Variants in ART1 observed in about 807,000 individuals in gnomAD.
ART1 encodes the protein ADP-ribosyltransferase 1.
ART1 carries 29 observed loss-of-function variants against 27.0 expected under a neutral mutation model. The ratio of observed to expected loss-of-function variants is 1.08; its 90% CI spans 0.80 to 1.47. The LOEUF (loss-of-function observed/expected upper bound fraction) is 1.47. ART1 is among the 40% of genes most tolerant of loss of function. The pLI is 0.00. For synonymous variants in ART1, 201 were observed against 172.2 expected (o/e 1.17, Z -1.31); for missense variants, 480 against 423.0 (o/e 1.13, Z -1.18).
rs1025095458 is a variant in ART1, at chr11:3,654,929, C to T, written c.-52-4233C>T. ...ATTGTAGAGCAGATGCAGACAGAAA[C>T]AGAGCTGTGGAGACACAATGAGAGA... On this transcript the variant is annotated intron_variant, in intron 1 of 4. Coordinates refer to ENST00000250693, the MANE Select transcript of ART1 (RefSeq NM_004314.3). Among the ~76,000 whole-genome samples, 16 of 152,218 alleles carry T rather than the reference C, an allele frequency of 1.1e-4. No individual in the cohort carries two copies. In the South Asian group the frequency reaches 1.9e-3, roughly 18 times the overall value.
rs371263931 is a variant in ART1 at position 3,660,066 on chromosome 11, G to A, written c.547G>A (p.Gly183Ser). 15 of 1,613,450 alleles carry A rather than the reference G, an allele frequency of 9.3e-6. No homozygotes were observed. In the Admixed American group the frequency reaches 1.7e-4, roughly 18 times the overall value. ...RCHQVFRGVH[G>S]LRFRPAGPRA... ...CCACCAGGTGTTCCGAGGTGTGCAC[G>A]GCCTGCGCTTCCGGCCAGCAGGGCC... is the stretch of plus-strand genomic sequence containing the variant. Residue 183 changes from glycine (G) to serine (S), a missense_variant, in exon 3 of 5, where the codon GGC becomes AGC. Gly to Ser is a moderately conservative substitution (Grantham distance 56). Transcript: ENST00000250693.
At chr11:3,650,756 C>T (rs1447554505) in intron 1 of ART1, among the ~76,000 whole-genome samples, 2 of 151,608 alleles carry the variant, frequency 1.3e-5, no homozygotes, top group South Asian at 2.1e-4. Context: ...GCTACAGCCA[C>T]ACCTCATTGC....
intron 1 of ART1, among the ~76,000 whole-genome samples, chr11:3,657,468 G>A (rs999890584): frequency 5.3e-5 from 8 of 152,110 alleles, no homozygotes; most frequent in South Asian, 4.1e-4. Flanking sequence ...CCAGCTACTC[G>A]GGAGGCTGAG....
intron 1 of ART1, among the ~76,000 whole-genome samples, chr11:3,645,617 T>G (rs767111833): frequency 2.0e-5 from 3 of 152,200 alleles, no homozygotes; most frequent in Non-Finnish European, 2.9e-5. Context: ...TTAGCTGCGC[T>G]GAGAAAGTTC....
Position 3,659,237 on chromosome 11 carries a change from T to C in ART1, c.24T>C (p.Ser8=). The C allele has an allele frequency of 6.2e-7, 1 of 1,614,226 alleles. No homozygotes were observed. The highest frequency in any genetic ancestry group is 8.5e-7 in the Non-Finnish European group (1 of 1,180,040). The change falls in exon 2 of 5, where the codon TCT becomes TCC. Residue 8 remains serine (S), a synonymous_variant. Transcript: ENST00000250693. MQMPAMM[S]LLLVSVGLME... ...GCATGCAGATGCCTGCTATGATGTC[T>C]CTGCTTCTTGTGTCTGTGGGCCTCA... is the stretch of plus-strand genomic sequence containing the variant.
intron 1 of ART1, among the ~76,000 whole-genome samples, chr11:3,653,642 G>A (rs959795982): frequency 6.6e-6 from 1 of 152,114 alleles, no homozygotes; most frequent in Non-Finnish European, 1.5e-5. Context: ...CATGAAAAGA[G>A]GAGCTTCGTA....
intron 1 of ART1, among the ~76,000 whole-genome samples, chr11:3,656,972 C>A (rs868734599): frequency 2.0e-5 from 3 of 152,182 alleles, no homozygotes; most frequent in Non-Finnish European, 4.4e-5. Flanking sequence ...GAAGCTCATA[C>A]TTCACATTTA....
chr11:3,653,405 G>A (rs2080045427), intron 1 of ART1, among the ~76,000 whole-genome samples: 1 of 147,952 alleles, frequency 6.8e-6, no homozygotes, highest in South Asian at 2.2e-4. Context: ...GGCTCATCCT[G>A]GCTCAAAAGC....
intron 3 of ART1, among the ~76,000 whole-genome samples, chr11:3,661,026 A>G (rs1021277126): frequency 1.3e-5 from 2 of 152,200 alleles, no homozygotes; most frequent in Admixed American, 6.5e-5. Flanking sequence ...AGGAGCATGC[A>G]TGAGTTGACA....
At chr11:3,662,952 A>G (rs2077630392) in intron 4 of ART1, among the ~76,000 whole-genome samples, 1 of 152,184 alleles carries the variant, frequency 6.6e-6, no homozygotes. Flanking sequence ...CTGGCTCAAG[A>G]GCCAAACTCT....
At chr11:3,662,795 G>A (rs1297501682) in intron 4 of ART1, among the ~76,000 whole-genome samples, 4 of 152,236 alleles carry the variant, frequency 2.6e-5, no homozygotes, top group African/African-American at 9.6e-5. Context: ...TGTGAGCCAT[G>A]ATTGTGCCAT....
chr11:3,654,864 C>A (rs113778720), intron 1 of ART1, among the ~76,000 whole-genome samples: 18 of 152,362 alleles, frequency 1.2e-4, no homozygotes, highest in Admixed American at 9.8e-4. Flanking sequence ...AGTCTGCCTT[C>A]AAGCCTCTCC....
At chr11:3,648,295 G>A (rs535668711) in intron 1 of ART1, among the ~76,000 whole-genome samples, 12 of 152,212 alleles carry the variant, frequency 7.9e-5, no homozygotes, top group South Asian at 2.1e-4. Flanking sequence ...GTCTTCACAC[G>A]GACGCGCATG....
At chr11:3,648,825 T>C (rs1445014681) in intron 1 of ART1, among the ~76,000 whole-genome samples, 2 of 151,128 alleles carry the variant, frequency 1.3e-5, no homozygotes, top group Admixed American at 1.3e-4. Context: ...TCTCTACCCC[T>C]TCTCTGCTTT....
chr11:3,662,859 C>CAA (rs2077629786), intron 4 of ART1, among the ~76,000 whole-genome samples: 1 of 151,962 alleles, frequency 6.6e-6, no homozygotes, highest in African/African-American at 2.4e-5. Context: ...CAAAACAAAA[C>CAA]AAAAACAAAA....
At position 3,660,275 on chromosome 11, in the gene ART1, C is replaced by G; in HGVS notation, c.756C>G (p.Ile252Met). Reference sequence around the variant, plus strand: ...CCCCCTTTGAGACCTTCCAAGTGATCAATGCCAGCAGACTGGCCCAGGGCC... The same window carrying G: ...CCCCCTTTGAGACCTTCCAAGTGATGAATGCCAGCAGACTGGCCCAGGGCC... ...LIPPFETFQV[I>M]NASRLAQGPA... The change falls in exon 3 of 5, where the codon ATC becomes ATG. Residue 252 changes from isoleucine (I) to methionine (M), a missense_variant. By Grantham distance (10) the Ile-to-Met change is conservative (BLOSUM62 1). Transcript: ENST00000250693. The G allele has an allele frequency of 6.2e-7, 1 of 1,612,594 alleles. No individual in the cohort carries two copies. The highest frequency in any genetic ancestry group is 8.5e-7 in the Non-Finnish European group (1 of 1,180,002).
chr11:3,653,661 A>T (rs573964042), intron 1 of ART1, among the ~76,000 whole-genome samples: 10 of 152,204 alleles, frequency 6.6e-5, no homozygotes, highest in Admixed American at 4.6e-4. Flanking sequence ...TATTTTTTTT[A>T]AATCTACTCC....
chr11:3,647,580 G>A (rs1310396199), intron 1 of ART1, among the ~76,000 whole-genome samples: 2 of 152,012 alleles, frequency 1.3e-5, no homozygotes, highest in Admixed American at 6.6e-5. Flanking sequence ...GTTGAAGTGA[G>A]CCGAGATTGC....
At chr11:3,647,350 A>C (rs1298235409) in intron 1 of ART1, among the ~76,000 whole-genome samples, 3 of 147,928 alleles carry the variant, frequency 2.0e-5, no homozygotes, top group Admixed American at 2.0e-4. Context: ...AAAAAAAAAA[A>C]CGAGGCTGGG....
Sources: gnomAD v4.1 joint callset for allele counts (sites outside exome capture counted in the v4.1 genomes callset) on GRCh38, gnomAD v4.1.1 for gene constraint, MANE v1.5 for transcripts, NCBI Gene and HGNC (gene_info 2026-07-23, HGNC 2026-07-21) for gene names.